The following DCUN1D5 variants were observed in gnomAD, a reference collection of about 807,000 sequenced individuals.
DCUN1D5 encodes defective in cullin neddylation 1 domain containing 5, also known as DCN1-like protein 5.
A neutral mutation model predicts 38.3 loss-of-function variants in DCUN1D5; 10 were observed. The observed-to-expected ratio is 0.26, with a 90% confidence interval of 0.16 to 0.44. The LOEUF is 0.44. DCUN1D5 is among the 20% of genes least tolerant of loss of function. The probability of loss-of-function intolerance (pLI) is 1.00; values close to 1 mark genes in which losing one functional copy is unlikely to be tolerated. For synonymous variants in DCUN1D5, 93 were observed against 90.9 expected (o/e 1.02, Z -0.13); for missense variants, 148 against 275.3 (o/e 0.54, Z 3.27).
At position 103,053,150 on chromosome 11, in the gene DCUN1D5, TTAAAA is replaced by T. The variant is rs1429449726; in HGVS notation, c.*9204_*9208del. On this transcript the variant is annotated 3_prime_UTR_variant, in exon 8 of 8. Coordinates refer to ENST00000260247, the MANE Select transcript of DCUN1D5 (RefSeq NM_032299.4). This position sits in a 1 kb window ranked among gnomAD's most constrained non-coding sequence, Gnocchi z 4.8. ...TTTTATTTTTTAATATTTCTCTTTT[TTAAAA>T]ATAGAGTCCTTCCTATGAAGTCAAA... The T allele has an allele frequency of 2.0e-5, 3 of 152,174 alleles. No individual in the cohort carries two copies. The highest frequency in any genetic ancestry group is 7.2e-5 in the African/African-American group (3 of 41,456). 9.4% of individuals were successfully genotyped at this position (152,174 alleles called of 1,614,324 possible).
Position 103,053,588 on chromosome 11 carries a change from T to C in DCUN1D5, c.*8771A>G, listed in dbSNP as rs1246257939. On this transcript the variant is annotated 3_prime_UTR_variant, in exon 8 of 8. Coordinates refer to ENST00000260247, the MANE Select transcript of DCUN1D5 (RefSeq NM_032299.4). The surrounding 1 kb of genome is among the most constrained non-coding windows in gnomAD (Gnocchi z 4.8). ...TTAATTATATGAATATATCATACTA[T>C]CACATGTACCCCCCAAATAAATACA... is the stretch of plus-strand genomic sequence containing the variant. 1 of 151,870 alleles carries C rather than the reference T, an allele frequency of 6.6e-6. No homozygotes were observed. Among genetic ancestry groups the C allele is most frequent in the Non-Finnish European group, 1.5e-5 (1 of 67,928 alleles). 9.4% of individuals were successfully genotyped at this position (151,870 alleles called of 1,614,324 possible).
intron 4 of DCUN1D5, among the ~76,000 whole-genome samples, chr11:103,068,310 C>T (rs1350897394): frequency 6.6e-6 from 1 of 152,060 alleles, no homozygotes; most frequent in African/African-American, 2.4e-5. Flanking sequence ...TCATTCGATC[C>T]AGCAATCCCA....
In DCUN1D5 at chr11:103,062,606, AG is replaced by A. The variant is rs1160049414; in HGVS notation, c.659-193del. ...TTTCTTTTTTGCCCTTAAAGACACA[AG>A]GAACAATGGTATCTATAGCAACTTC... On this transcript the variant is annotated intron_variant, in intron 7 of 7. Coordinates refer to ENST00000260247, the MANE Select transcript of DCUN1D5 (RefSeq NM_032299.4). This position sits in a 1 kb window ranked among gnomAD's most constrained non-coding sequence, Gnocchi z 4.6. Among the ~76,000 whole-genome samples the A allele has an allele frequency of 6.6e-6, 1 of 152,090 alleles. No individual in the cohort carries two copies. Among genetic ancestry groups the A allele is most frequent in the African/African-American group, 2.4e-5 (1 of 41,440 alleles).
chr11:103,074,507 G>GCGATTCTC (rs1400138407), intron 4 of DCUN1D5, among the ~76,000 whole-genome samples: 2 of 152,182 alleles, frequency 1.3e-5, no homozygotes. Flanking sequence ...CCCGGTTCAA[G>GCGATTCTC]CGATTCTCCT....
rs538077762 is a variant in DCUN1D5 at position 103,060,400 on chromosome 11, C to T, written c.*1959G>A. On this transcript the variant is annotated 3_prime_UTR_variant, in exon 8 of 8. Coordinates refer to ENST00000260247, the MANE Select transcript of DCUN1D5 (RefSeq NM_032299.4). ...TTTGAACTGTGTGGGTCTGCTTATA[C>T]GCAGATTTTTTTAAACCAAACATGG... 1.1e-4 allele frequency among the ~76,000 whole-genome samples: 17 copies of T among 152,202 alleles called. No individual in the cohort carries two copies. The South Asian group carries it at 2.3e-3, about 20-fold the overall frequency.
intron 2 of DCUN1D5, among the ~76,000 whole-genome samples, chr11:103,085,809 A>T (rs1262250568): frequency 6.6e-6 from 1 of 152,228 alleles, no homozygotes; most frequent in Non-Finnish European, 1.5e-5. Flanking sequence ...GAAGCTATAG[A>T]AATGATTTTG....
intron 4 of DCUN1D5, among the ~76,000 whole-genome samples, chr11:103,069,660 T>A (rs1171473800): frequency 6.6e-6 from 1 of 152,130 alleles, no homozygotes; most frequent in Non-Finnish European, 1.5e-5. Context: ...GGCACTCCTA[T>A]CCCTTTCAGA....
intron 1 of DCUN1D5, among the ~76,000 whole-genome samples, chr11:103,090,379 T>C (rs373439900): frequency 5.3e-5 from 8 of 152,302 alleles, no homozygotes; most frequent in African/African-American, 1.9e-4. Context: ...TAATACTCCA[T>C]AGACTCCTTT....
rs1387744801 is a variant in DCUN1D5, at chr11:103,091,852, T to C, written c.21A>G (p.Arg7=). Residue 7 remains arginine, a synonymous_variant, in exon 1 of 8, where the codon AGA becomes AGG. Transcript: ENST00000260247. The surrounding 1 kb of genome is among the most constrained non-coding windows in gnomAD (Gnocchi z 4.3). MPVKKK[R]KSPGVAAAVA... ...CTGCTGCTGCCACCCCAGGGGATTT[T>C]CTCTTCTTCTTCACCGGCATCTTCC... 1.2e-6 allele frequency: 2 copies of C among 1,613,838 alleles called. No homozygotes were observed. The highest frequency in any genetic ancestry group is 1.7e-5 in the Admixed American group (1 of 60,020).
Position 103,062,355 on chromosome 11 carries a change from C to T in DCUN1D5, c.*4G>A. On this transcript the variant is annotated 3_prime_UTR_variant, in exon 8 of 8. Coordinates refer to ENST00000260247, the MANE Select transcript of DCUN1D5 (RefSeq NM_032299.4). This position sits in a 1 kb window ranked among gnomAD's most constrained non-coding sequence, Gnocchi z 4.6. ...AGGTTTGCATTTTCTTCACATAGTT[C>T]TTGCTATGATGTCTGACGGACTTTT... 1 of 1,613,378 alleles carries T rather than the reference C, an allele frequency of 6.2e-7. No homozygotes were observed. Among genetic ancestry groups the T allele is most frequent in the East Asian group, 2.2e-5 (1 of 44,850 alleles).
At chr11:103,075,154 T>C (rs1333538067) in intron 4 of DCUN1D5, among the ~76,000 whole-genome samples, 3 of 152,196 alleles carry the variant, frequency 2.0e-5, no homozygotes, top group African/African-American at 7.2e-5. Context: ...ATTGCATAAG[T>C]TTGTCATCAA....
intron 2 of DCUN1D5, among the ~76,000 whole-genome samples, chr11:103,085,133 G>C (rs1316361682): frequency 6.6e-6 from 1 of 152,068 alleles, no homozygotes; most frequent in Non-Finnish European, 1.5e-5. Flanking sequence ...GAAAGCTTTA[G>C]AGGATGTCTA....
At chr11:103,074,361 C>T (rs1283035226) in intron 4 of DCUN1D5, among the ~76,000 whole-genome samples, 3 of 152,164 alleles carry the variant, frequency 2.0e-5, no homozygotes, top group Non-Finnish European at 4.4e-5. Context: ...ATCACTGATC[C>T]TTACAAGTCA....
In DCUN1D5 at chr11:103,061,370, C is replaced by G. The variant is rs1181567774; in HGVS notation, c.*989G>C. ...CAGGCCTGCTGCTAGTACAAAAGTG[C>G]CTTTTACATGAATTAGGAAAGCCTT... On this transcript the variant is annotated 3_prime_UTR_variant, in exon 8 of 8. Coordinates refer to ENST00000260247, the MANE Select transcript of DCUN1D5 (RefSeq NM_032299.4). Among the ~76,000 whole-genome samples the G allele has an allele frequency of 6.6e-6, 1 of 151,988 alleles. No individual in the cohort carries two copies. The highest frequency in any genetic ancestry group is 1.5e-5 in the Non-Finnish European group (1 of 67,964).
chr11:103,053,123 C>CT lies in DCUN1D5; in HGVS notation c.*9235dup, dbSNP rs1031239423. ...GTAATAAGACATCATAGAATTTTGG[C>CT]TTTTTATTTTTTAATATTTCTCTTT... On this transcript the variant is annotated 3_prime_UTR_variant, in exon 8 of 8. Transcript: ENST00000260247. This position sits in a 1 kb window ranked among gnomAD's most constrained non-coding sequence, Gnocchi z 4.8. The CT allele has an allele frequency of 1.3e-5, 2 of 151,962 alleles. No individual in the cohort carries two copies. The highest frequency in any genetic ancestry group is 2.9e-5 in the Non-Finnish European group (2 of 67,934). 9.4% of individuals were successfully genotyped at this position (151,962 alleles called of 1,614,324 possible).
chr11:103,089,398 C>A, intron 1 of DCUN1D5, 80 bp from the exon 2 acceptor site: 1 of 1,261,100 alleles, frequency 7.9e-7, no homozygotes, highest in Non-Finnish European at 1.1e-6. Flanking sequence ...TTAACAACTT[C>A]CATTCACATT....
In DCUN1D5 at chr11:103,052,795, T is replaced by G. The variant is rs921683654; in HGVS notation, c.*9564A>C. The G allele has an allele frequency of 6.6e-6, 1 of 152,214 alleles. No individual in the cohort carries two copies. The highest frequency in any genetic ancestry group is 1.5e-5 in the Non-Finnish European group (1 of 68,026). The allele number at this position is 152,214 out of a possible 1,614,324, so 9.4% of individuals were successfully genotyped here. A position where few individuals can be genotyped will look rare whatever the true frequency, so the allele number is the denominator to read the frequency against. On this transcript the variant is annotated 3_prime_UTR_variant, in exon 8 of 8. Coordinates refer to ENST00000260247, the MANE Select transcript of DCUN1D5 (RefSeq NM_032299.4). ...ACACCAACCACTTCTTGGCTTTTTATAGAGAGAATAAAATAGAAATTCCTA... is the reference window on the plus strand; with the variant it reads ...ACACCAACCACTTCTTGGCTTTTTAGAGAGAGAATAAAATAGAAATTCCTA...
In DCUN1D5 at chr11:103,070,683, T is replaced by G. The variant is rs74898216; in HGVS notation, c.342-4116A>C. Reference sequence around the variant, plus strand: ...AATTGATAGAAACACTAGATAGAATTCAACGAACACAGAGAATTTAACATC... The same window carrying G: ...AATTGATAGAAACACTAGATAGAATGCAACGAACACAGAGAATTTAACATC... On this transcript the variant is annotated intron_variant, in intron 4 of 7. Coordinates refer to ENST00000260247, the MANE Select transcript of DCUN1D5 (RefSeq NM_032299.4). 5.5e-3 allele frequency among the ~76,000 whole-genome samples: 844 copies of G among 152,218 alleles called. 8 individuals are homozygous for G. The highest frequency in any genetic ancestry group is 0.019 in the African/African-American group (773 of 41,550).
intron 4 of DCUN1D5, among the ~76,000 whole-genome samples, chr11:103,076,252 A>C (rs1862405097): frequency 2.0e-5 from 3 of 152,234 alleles, no homozygotes; most frequent in African/African-American, 7.2e-5. Flanking sequence ...TGTGACCACC[A>C]AAAATAAACC....
Sources: allele counts gnomAD v4.1 joint callset (sites outside exome capture counted in the v4.1 genomes callset), GRCh38; gene constraint gnomAD v4.1.1; non-coding constraint Gnocchi (gnomAD v3.1); transcripts MANE v1.5; gene names NCBI Gene and HGNC (gene_info 2026-07-23, HGNC 2026-07-21).